NEK3: variants seen among roughly 807,000 people sequenced by gnomAD.
NEK3 encodes NIMA related kinase 3.
Under a neutral mutation model 66.0 loss-of-function variants are expected in NEK3, and 54 were observed. That is an observed-to-expected ratio of 0.82 (90% CI 0.66 to 1.03). NEK3 has a LOEUF of 1.03. Among genes scored for constraint, NEK3 ranks in the 50% least tolerant of loss-of-function variants. The pLI is 0.00. For missense variants in NEK3, 593 were observed against 603.0 expected (o/e 0.98, Z 0.17); for synonymous variants, 200 against 206.2 (o/e 0.97, Z 0.26).
intron 12 of NEK3, 46 bp downstream of exon 12, chr13:52,136,754 T>A: frequency 7.9e-7 from 1 of 1,271,056 alleles, no homozygotes; most frequent in East Asian, 2.6e-5. Flanking sequence ...AAATTGGTAT[T>A]CCCCAACTCC....
chr13:52,148,585 C>T (rs776173649), intron 7 of NEK3, 116 bp from the exon 8 acceptor site: 143 of 870,942 alleles, frequency 1.6e-4, no homozygotes, highest in Non-Finnish European at 2.4e-4. Context: ...GGTATTAAAA[C>T]ATATAATGTT....
chr13:52,151,481 G>C, intron 5 of NEK3, 89 bp from the exon 6 acceptor site: 1 of 1,182,598 alleles, frequency 8.5e-7, no homozygotes, highest in Non-Finnish European at 1.2e-6. Flanking sequence ...TGATGATGGA[G>C]ATTAAGGCTA....
At chr13:52,155,257 T>C (rs192114652) in intron 2 of NEK3, among the ~76,000 whole-genome samples, 8 of 152,300 alleles carry the variant, frequency 5.3e-5, no homozygotes, top group Admixed American at 3.9e-4. Context: ...AAAAAATTGA[T>C]CCAAAATATT....
Position 52,133,202 on chromosome 13 carries a change from G to A in NEK3, c.1461C>T (p.Asn487=). The change falls in exon 16 of 16, where the codon AAC becomes AAT. Residue 487 remains asparagine, a synonymous_variant. Coordinates refer to ENST00000610828, the MANE Select transcript of NEK3 (RefSeq NM_002498.3). The part of the protein sequence containing the change: ...EDTDFEEEDD[N]PDWVSELKKR... ...TCTTCAGCTCTGACACCCAGTCGGG[G>A]TTGTCATCTTCCTCCTCAAAGTCCC... The A allele has an allele frequency of 6.2e-7, 1 of 1,609,134 alleles. No homozygotes were observed. The highest frequency in any genetic ancestry group is 8.5e-7 in the Non-Finnish European group (1 of 1,177,920).
intron 10 of NEK3, among the ~76,000 whole-genome samples, chr13:52,143,039 AT>A (rs1279518782): frequency 6.6e-6 from 1 of 152,110 alleles, no homozygotes; most frequent in African/African-American, 2.4e-5. Flanking sequence ...TAATTAGGAT[AT>A]TTTACTGTTT....
intron 5 of NEK3, 115 bp downstream of exon 5, chr13:52,152,494 G>A (rs1956355996): frequency 1.8e-6 from 1 of 555,896 alleles, no homozygotes; most frequent in African/African-American, 1.9e-5. Flanking sequence ...ACAAATATTA[G>A]GCTGACAAAT....
intron 11 of NEK3, among the ~76,000 whole-genome samples, chr13:52,139,673 C>T (rs1956231428): frequency 1.3e-5 from 2 of 151,820 alleles, no homozygotes. Flanking sequence ...CCAAGACAGG[C>T]AGATCACATG....
intron 11 of NEK3, among the ~76,000 whole-genome samples, chr13:52,140,493 A>G (rs537924220): frequency 6.6e-6 from 1 of 152,140 alleles, no homozygotes; most frequent in South Asian, 2.1e-4. Flanking sequence ...CTGCAGTCCC[A>G]GCTACTCAGG....
intron 8 of NEK3, among the ~76,000 whole-genome samples, chr13:52,145,694 G>A (rs1468525746): frequency 6.6e-6 from 1 of 152,144 alleles, no homozygotes; most frequent in Non-Finnish European, 1.5e-5. Flanking sequence ...AATTTGATGA[G>A]TAACACCGTG....
intron 10 of NEK3, 47 bp downstream of exon 10, chr13:52,143,868 A>AT: frequency 1.1e-6 from 1 of 943,640 alleles, no homozygotes; most frequent in South Asian, 1.5e-5. Flanking sequence ...GTTACAGTAT[A>AT]TTTTTAAAAG....
chr13:52,148,378 G>A (rs1956311548), intron 8 of NEK3, 37 bp downstream of exon 8: 1 of 1,594,106 alleles, frequency 6.3e-7, no homozygotes, highest in Non-Finnish European at 8.6e-7. Flanking sequence ...AGCTAGATAT[G>A]ACAAGCTGCC....
intron 12 of NEK3, 45 bp downstream of exon 12, chr13:52,136,755 C>A: frequency 1.5e-6 from 2 of 1,299,820 alleles, no homozygotes; most frequent in Non-Finnish European, 2.1e-6. Context: ...AATTGGTATT[C>A]CCCAACTCCT....
At chr13:52,133,643 A>ACACACACC (rs772559911) in intron 15 of NEK3, 46 bp downstream of exon 15, 21 of 1,540,190 alleles carry the variant, frequency 1.4e-5, no homozygotes, top group Admixed American at 2.0e-5. Context: ...ACACACACAC[A>ACACACACC]CACCCCCAAC....
intron 14 of NEK3, 66 bp downstream of exon 14, chr13:52,135,663 A>G: frequency 7.2e-7 from 1 of 1,397,278 alleles, no homozygotes; most frequent in Non-Finnish European, 9.7e-7. Flanking sequence ...ATTTTATGTT[A>G]TATATATTTG....
At chr13:52,142,250 A>C (rs1359402582) in intron 10 of NEK3, among the ~76,000 whole-genome samples, 1 of 152,046 alleles carries the variant, frequency 6.6e-6, no homozygotes, top group Non-Finnish European at 1.5e-5. Flanking sequence ...GCTAAAGCAA[A>C]CTGGTAAAAC....
At chr13:52,146,783 C>T (rs1406267767) in intron 8 of NEK3, among the ~76,000 whole-genome samples, 2 of 152,056 alleles carry the variant, frequency 1.3e-5, no homozygotes, top group Non-Finnish European at 2.9e-5. Context: ...CATTATAAAC[C>T]ACTTATATTC....
intron 11 of NEK3, among the ~76,000 whole-genome samples, chr13:52,139,662 G>A (rs1237180404): frequency 6.6e-6 from 1 of 152,128 alleles, no homozygotes; most frequent in East Asian, 1.9e-4. Context: ...ACTTTGGGAG[G>A]CCAAGACAGG....
At chr13:52,138,302 G>A (rs139614264) in intron 11 of NEK3, among the ~76,000 whole-genome samples, 10 of 152,192 alleles carry the variant, frequency 6.6e-5, no homozygotes, top group South Asian at 4.1e-4. Flanking sequence ...TATTACAGGC[G>A]TAAGCCACTC....
intron 11 of NEK3, 40 bp from the exon 12 acceptor site, chr13:52,136,942 A>C: frequency 1.5e-6 from 2 of 1,344,926 alleles, no homozygotes; most frequent in Non-Finnish European, 2.0e-6. Flanking sequence ...ATAATGCTTG[A>C]ATTGCCACAA....
Sources: gnomAD v4.1 joint callset for allele counts (sites outside exome capture counted in the v4.1 genomes callset) on GRCh38, gnomAD v4.1.1 for gene constraint, MANE v1.5 for transcripts, NCBI Gene and HGNC (gene_info 2026-07-23, HGNC 2026-07-21) for gene names.